The following PRKN variants were observed in gnomAD, a reference collection of about 807,000 sequenced individuals.
PRKN encodes E3 ubiquitin-protein ligase parkin.
Under a neutral mutation model 59.5 loss-of-function variants are expected in PRKN, and 56 were observed. That is an observed-to-expected ratio of 0.94 (90% CI 0.76 to 1.18). The LOEUF (loss-of-function observed/expected upper bound fraction) is 1.18, where lower values mean the gene tolerates loss of function less well. PRKN is among the 50% of genes most tolerant of loss of function. PRKN has a pLI of 0.00. For synonymous variants in PRKN, 250 were observed against 222.1 expected (o/e 1.13, Z -1.12); for missense variants, 657 against 596.4 (o/e 1.10, Z -1.06).
chr6:161,728,297 A>G (rs1369063119), intron 7 of PRKN, among the ~76,000 whole-genome samples: 1 of 152,114 alleles, frequency 6.6e-6, no homozygotes, highest in Non-Finnish European at 1.5e-5. Flanking sequence ...AAAATGAGTG[A>G]TTCTCAAAAT....
At chr6:161,650,513 GAGAGAA>G (rs771752869) in intron 7 of PRKN, among the ~76,000 whole-genome samples, 24 of 152,226 alleles carry the variant, frequency 1.6e-4, no homozygotes, top group Middle Eastern at 3.4e-3. Context: ...GAGAGAGATT[GAGAGAA>G]AGAGAAAGAG....
At chr6:162,431,418 C>T (rs532306789) in intron 2 of PRKN, among the ~76,000 whole-genome samples, 2 of 151,926 alleles carry the variant, frequency 1.3e-5, no homozygotes, top group Non-Finnish European at 2.9e-5. Context: ...TCTATAAAAA[C>T]ACTATATGTA....
At chr6:161,947,442 C>T (rs867428773) in intron 6 of PRKN, among the ~76,000 whole-genome samples, 1 of 152,106 alleles carries the variant, frequency 6.6e-6, no homozygotes, top group Admixed American at 6.6e-5. Flanking sequence ...TTATTGATTC[C>T]AAATGGTTCA....
chr6:161,603,282 G>A (rs1268415842), intron 7 of PRKN, among the ~76,000 whole-genome samples: 5 of 152,086 alleles, frequency 3.3e-5, no homozygotes, highest in African/African-American at 9.7e-5. Context: ...TCCTATGATC[G>A]GCTAATTTAA....
chr6:162,562,229 C>G (rs888342089), intron 1 of PRKN, among the ~76,000 whole-genome samples: 6 of 152,160 alleles, frequency 3.9e-5, no homozygotes, highest in African/African-American at 1.4e-4. Flanking sequence ...AAGAAAGGAG[C>G]TGGTGCCAGC....
chr6:161,733,785 T>TATATATATATATATATATATATATATAC (rs1787830952), intron 7 of PRKN, among the ~76,000 whole-genome samples: 1 of 69,902 alleles, frequency 1.4e-5, no homozygotes, highest in Non-Finnish European at 2.3e-5. Flanking sequence ...AAAAAAAAAA[T>TATATATATATATATATATATATATATAC]ATATATATAT....
chr6:162,003,809 C>A (rs1460911468), intron 5 of PRKN, among the ~76,000 whole-genome samples: 1 of 152,094 alleles, frequency 6.6e-6, no homozygotes, highest in South Asian at 2.1e-4. Flanking sequence ...TTATAAAAGT[C>A]AATTAGGTCC....
rs555085621 is a variant in PRKN at position 161,402,813 on chromosome 6, A to G, written c.1084-15936T>C. 2.0e-5 allele frequency among the ~76,000 whole-genome samples: 3 copies of G among 152,218 alleles called. No individual in the cohort carries two copies. In the East Asian group the frequency reaches 5.8e-4, roughly 29 times the overall value. On this transcript the variant is annotated intron_variant, in intron 9 of 11. Coordinates refer to ENST00000366898, the MANE Select transcript of PRKN (RefSeq NM_004562.3). The surrounding 1 kb of genome is among the most constrained non-coding windows in gnomAD (Gnocchi z 4.5). ...GAATAAAGGTTGTCTTATTATGTAG[A>G]TAAACAATCTCTCAGGTAATAAAAG...
At chr6:162,647,957 A>C (rs1294578365) in intron 1 of PRKN, among the ~76,000 whole-genome samples, 28 of 146,184 alleles carry the variant, frequency 1.9e-4, no homozygotes, top group East Asian at 6.2e-4. Flanking sequence ...TGCAAAAAAA[A>C]AAAAAAAAAA....
At chr6:162,240,222 T>A (rs915018960) in intron 3 of PRKN, among the ~76,000 whole-genome samples, 2 of 152,038 alleles carry the variant, frequency 1.3e-5, no homozygotes, top group African/African-American at 2.4e-5. Context: ...CAATTAAAAA[T>A]TTTTTAAAAT....
chr6:161,626,834 T>C (rs1783109489), intron 7 of PRKN, among the ~76,000 whole-genome samples: 1 of 152,240 alleles, frequency 6.6e-6, no homozygotes. Flanking sequence ...ACAAAGGCTT[T>C]GAGTCAACAC....
intron 2 of PRKN, 67 bp from the exon 3 acceptor site, chr6:162,262,832 G>T (rs1410155276): frequency 1.3e-6 from 2 of 1,575,222 alleles, no homozygotes; most frequent in African/African-American, 2.8e-5. Context: ...ATGCGAGATA[G>T]AGTTTAACTT....
intron 8 of PRKN, 88 bp downstream of exon 8, chr6:161,569,267 A>G: frequency 1.7e-6 from 2 of 1,165,090 alleles, no homozygotes; most frequent in Non-Finnish European, 2.6e-6. Context: ...GTCAGGAGAC[A>G]TACTCGGCCT....
At chr6:162,162,599 A>G (rs1490985844) in intron 4 of PRKN, among the ~76,000 whole-genome samples, 3 of 152,242 alleles carry the variant, frequency 2.0e-5, no homozygotes, top group Non-Finnish European at 2.9e-5. Context: ...AATGATAAAC[A>G]TAATTTACAA....
chr6:161,440,250 G>C lies in PRKN; in HGVS notation c.1084-53373C>G, dbSNP rs911552418. Reference sequence around the variant, plus strand: ...TTACAGGTGTGAGACACTGCGCCTGGCCTGGCCCTAAGTTTTTACCCTTCC... The same window carrying C: ...TTACAGGTGTGAGACACTGCGCCTGCCCTGGCCCTAAGTTTTTACCCTTCC... On this transcript the variant is annotated intron_variant, in intron 9 of 11. Coordinates refer to ENST00000366898, the MANE Select transcript of PRKN (RefSeq NM_004562.3). The surrounding 1 kb of genome is among the most constrained non-coding windows in gnomAD (Gnocchi z 4.1). 1.3e-5 allele frequency among the ~76,000 whole-genome samples: 2 copies of C among 152,140 alleles called. No individual in the cohort carries two copies. Among genetic ancestry groups the C allele is most frequent in the African/African-American group, 4.8e-5 (2 of 41,424 alleles).
rs1180908783 is a variant in PRKN, at chr6:162,114,438, G to C, written c.535-60264C>G. Among the ~76,000 whole-genome samples the C allele has an allele frequency of 3.3e-5, 5 of 151,716 alleles. No homozygotes were observed. In the East Asian group the frequency reaches 9.7e-4, roughly 29 times the overall value. ...CTCGAAGAGGTCCTTCACATCCCTTGTAAGTTGGATTCCTAGGTATTTTAT... is the reference window on the plus strand; with the variant it reads ...CTCGAAGAGGTCCTTCACATCCCTTCTAAGTTGGATTCCTAGGTATTTTAT... On this transcript the variant is annotated intron_variant, in intron 4 of 11. Transcript: ENST00000366898.
At chr6:162,184,444 G>A (rs1365879230) in intron 4 of PRKN, among the ~76,000 whole-genome samples, 3 of 152,266 alleles carry the variant, frequency 2.0e-5, no homozygotes, top group Middle Eastern at 3.4e-3. Flanking sequence ...AATCATGTGG[G>A]CGATTTCACC....
chr6:162,696,559 C>CTTTTTTTTTTTTTTTTTTT (rs748055251), intron 1 of PRKN, among the ~76,000 whole-genome samples: 1 of 108,510 alleles, frequency 9.2e-6, no homozygotes. Flanking sequence ...TCAGGAAAAA[C>CTTTTTTTTTTTTTTTTTTT]TTTTTTTTTT....
chr6:161,961,502 C>A (rs1169837983), intron 6 of PRKN, among the ~76,000 whole-genome samples: 1 of 152,120 alleles, frequency 6.6e-6, no homozygotes, highest in Non-Finnish European at 1.5e-5. Flanking sequence ...ATAAAAGAAT[C>A]TTGGGGAAAA....
Sources: gnomAD v4.1 joint callset for allele counts (sites outside exome capture counted in the v4.1 genomes callset) on GRCh38, gnomAD v4.1.1 for gene constraint, Gnocchi (gnomAD v3.1) non-coding constraint, MANE v1.5 for transcripts, NCBI Gene and HGNC (gene_info 2026-07-23, HGNC 2026-07-21) for gene names.